Variants in LRRC4C observed in about 807,000 individuals in gnomAD.
LRRC4C encodes leucine-rich repeat-containing protein 4C.
A neutral mutation model predicts 33.6 loss-of-function variants in LRRC4C; 5 were observed. The ratio of observed to expected loss-of-function variants is 0.15; its 90% CI spans 0.08 to 0.31. LRRC4C has a LOEUF of 0.31. Among genes scored for constraint, LRRC4C ranks in the 10% least tolerant of loss-of-function variants. LRRC4C has a pLI of 1.00. For missense variants in LRRC4C, 560 were observed against 796.7 expected (o/e 0.70, Z 3.58); for synonymous variants, 329 against 302.0 (o/e 1.09, Z -0.93).
intron 2 of LRRC4C, among the ~76,000 whole-genome samples, chr11:40,784,231 T>A (rs1047686317): frequency 5.9e-5 from 9 of 152,204 alleles, no homozygotes; most frequent in African/African-American, 2.2e-4. Context: ...TCAAATTTCA[T>A]CTAAATCCTC....
intron 3 of LRRC4C, among the ~76,000 whole-genome samples, chr11:40,591,713 G>A (rs1463417735): frequency 6.6e-6 from 1 of 152,174 alleles, no homozygotes; most frequent in East Asian, 1.9e-4. Flanking sequence ...AGTAGACAAA[G>A]GCAGTTATGC....
chr11:40,270,059 T>C (rs952740307), intron 4 of LRRC4C, among the ~76,000 whole-genome samples: 1 of 152,102 alleles, frequency 6.6e-6, no homozygotes, highest in East Asian at 1.9e-4. Flanking sequence ...ACGCCTCCCA[T>C]ACTGGGGGAC....
At chr11:40,953,252 C>A (rs774479111) in intron 1 of LRRC4C, among the ~76,000 whole-genome samples, 1 of 151,810 alleles carries the variant, frequency 6.6e-6, no homozygotes, top group African/African-American at 2.4e-5. Flanking sequence ...AATAATTATT[C>A]GATCTGCAGA....
In LRRC4C at chr11:40,836,050, A is replaced by G. The variant is rs923070827; in HGVS notation, c.-407+97585T>C. 3.3e-5 allele frequency among the ~76,000 whole-genome samples: 5 copies of G among 152,304 alleles called. No homozygotes were observed. The South Asian group carries it at 8.3e-4, about 25-fold the overall frequency. On this transcript the variant is annotated intron_variant, in intron 2 of 6. Transcript: ENST00000528697. ...AATTCCAGTCACTGTACGTTCAAAAAGAAAAATTGAATAATCTAAGATGGA... is the reference window on the plus strand; with the variant it reads ...AATTCCAGTCACTGTACGTTCAAAAGGAAAAATTGAATAATCTAAGATGGA...
At chr11:40,158,390 C>T (rs1858882047) in intron 5 of LRRC4C, among the ~76,000 whole-genome samples, 1 of 151,986 alleles carries the variant, frequency 6.6e-6, no homozygotes, top group Middle Eastern at 3.2e-3. Context: ...CCAAATACAA[C>T]CTGTACCCCA....
At chr11:40,240,729 T>A (rs984292296) in intron 5 of LRRC4C, among the ~76,000 whole-genome samples, 1 of 152,186 alleles carries the variant, frequency 6.6e-6, no homozygotes, top group African/African-American at 2.4e-5. Context: ...CAGTATGACT[T>A]TTTAATTGGC....
intron 3 of LRRC4C, among the ~76,000 whole-genome samples, chr11:40,482,398 T>A (rs1377907682): frequency 6.6e-6 from 1 of 152,148 alleles, no homozygotes; most frequent in African/African-American, 2.4e-5. Context: ...CAAATGAGAC[T>A]TTCTCCTACT....
Position 41,378,093 on chromosome 11 carries a change from G to T in LRRC4C, c.-496+81338C>A, listed in dbSNP as rs965760609. 8.5e-5 allele frequency among the ~76,000 whole-genome samples: 13 copies of T among 152,162 alleles called. 1 individual carries two copies. The highest frequency in any genetic ancestry group is 2.6e-4 in the Admixed American group (4 of 15,258). Reference sequence around the variant, plus strand: ...GACTTGCGACTTTCTTGGATCTGCAGAAATGTACTTAATTACCACTGAGGC... The same window carrying T: ...GACTTGCGACTTTCTTGGATCTGCATAAATGTACTTAATTACCACTGAGGC... On this transcript the variant is annotated intron_variant, in intron 1 of 6. Transcript: ENST00000528697.
chr11:41,028,439 A>G (rs1856519062), intron 1 of LRRC4C, among the ~76,000 whole-genome samples: 1 of 151,620 alleles, frequency 6.6e-6, no homozygotes, highest in Admixed American at 6.6e-5. Context: ...CACTTCCAGC[A>G]GCTTCGCCTC....
At chr11:41,245,384 C>T (rs1179511859) in intron 1 of LRRC4C, among the ~76,000 whole-genome samples, 1 of 152,154 alleles carries the variant, frequency 6.6e-6, no homozygotes, top group African/African-American at 2.4e-5. Flanking sequence ...AGTGAGGGAG[C>T]CTGGGGTCCA....
At chr11:41,045,284 G>T (rs1937329717) in intron 1 of LRRC4C, among the ~76,000 whole-genome samples, 1 of 151,778 alleles carries the variant, frequency 6.6e-6, no homozygotes, top group Non-Finnish European at 1.5e-5. Flanking sequence ...AAGACCATGG[G>T]GCATAGATAA....
intron 3 of LRRC4C, among the ~76,000 whole-genome samples, chr11:40,406,076 G>A (rs1226030377): frequency 1.3e-5 from 2 of 152,080 alleles, no homozygotes; most frequent in African/African-American, 4.8e-5. Flanking sequence ...ACTGCGGGAT[G>A]GCGCTGTAAC....
intron 3 of LRRC4C, among the ~76,000 whole-genome samples, chr11:40,450,010 A>G (rs16934857): frequency 0.012 from 1,888 of 152,172 alleles, 38 homozygotes; most frequent in African/African-American, 0.042. Context: ...AGGCATAGTG[A>G]TTTTAGATTA....
chr11:41,099,567 C>T (rs188312812), intron 1 of LRRC4C, among the ~76,000 whole-genome samples: 59 of 152,140 alleles, frequency 3.9e-4, no homozygotes, highest in Non-Finnish European at 7.5e-4. Flanking sequence ...TGATTTATCA[C>T]ATATACAGAA....
At chr11:41,365,044 G>C (rs1028616527) in intron 1 of LRRC4C, among the ~76,000 whole-genome samples, 8 of 152,086 alleles carry the variant, frequency 5.3e-5, no homozygotes, top group Non-Finnish European at 1.5e-5. Flanking sequence ...AATCATGGAC[G>C]AGTACCAGTT....
At chr11:41,144,848 C>T (rs1943660484) in intron 1 of LRRC4C, among the ~76,000 whole-genome samples, 1 of 152,088 alleles carries the variant, frequency 6.6e-6, no homozygotes, top group African/African-American at 2.4e-5. Flanking sequence ...TAGAATTGCT[C>T]TGATTTTTAA....
intron 2 of LRRC4C, among the ~76,000 whole-genome samples, chr11:40,813,259 G>C (rs1208221439): frequency 1.3e-5 from 2 of 152,144 alleles, no homozygotes; most frequent in Admixed American, 6.6e-5. Context: ...AATTTATAAA[G>C]GAAAGAGGTT....
chr11:40,945,437 G>A (rs1262794821), intron 1 of LRRC4C, among the ~76,000 whole-genome samples: 6 of 151,996 alleles, frequency 3.9e-5, no homozygotes, highest in Non-Finnish European at 8.8e-5. Context: ...CTTACCATAG[G>A]AATTAAAGCA....
chr11:41,320,569 T>G (rs777782490), intron 1 of LRRC4C, among the ~76,000 whole-genome samples: 5 of 148,646 alleles, frequency 3.4e-5, no homozygotes, highest in African/African-American at 1.3e-4. Context: ...TTTAGTGTTA[T>G]GAAAAATGAC....
Sources: allele counts gnomAD v4.1 joint callset (sites outside exome capture counted in the v4.1 genomes callset), GRCh38; gene constraint gnomAD v4.1.1; transcripts MANE v1.5; gene names NCBI Gene and HGNC (gene_info 2026-07-23, HGNC 2026-07-21).